Variants in KAT6A observed in about 807,000 individuals in gnomAD.
KAT6A encodes the protein lysine acetyltransferase 6A, also known as histone acetyltransferase KAT6A.
A neutral mutation model predicts 198.4 loss-of-function variants in KAT6A; 9 were observed. The observed-to-expected ratio is 0.05, with a 90% CI of 0.03 to 0.08. The LOEUF is 0.08. Among genes scored for constraint, KAT6A ranks in the 10% least tolerant of loss-of-function variants. The pLI is 1.00. For synonymous variants in KAT6A, 890 were observed against 883.0 expected (o/e 1.01, Z -0.14); for missense variants, 2,077 against 2,509.9 (o/e 0.83, Z 3.69).
rs946124998 is a variant in KAT6A at position 41,978,610 on chromosome 8, T to C, written c.1043+32A>G. ...CACTATAGAGAAGACCCTATCCTTT[T>C]CTCCCCTCACCTTGCCACAAGTACA... On this transcript the variant is annotated intron_variant, in intron 6 of 16. Coordinates refer to ENST00000265713, the MANE Select transcript of KAT6A (RefSeq NM_006766.5). 2.5e-6 allele frequency: 4 copies of C among 1,608,780 alleles called. No individual in the cohort carries two copies. In the South Asian group the frequency reaches 4.4e-5, roughly 18 times the overall value.
chr8:42,046,939 T>C (rs1278784592), intron 2 of KAT6A, among the ~76,000 whole-genome samples: 2 of 152,294 alleles, frequency 1.3e-5, no homozygotes, highest in East Asian at 3.9e-4. Flanking sequence ...AATTGAACCC[T>C]GAAATAGATC....
At chr8:41,936,261 AAAAAAAT>A (rs531050963) in intron 16 of KAT6A, among the ~76,000 whole-genome samples, 30 of 152,334 alleles carry the variant, frequency 2.0e-4, no homozygotes, top group African/African-American at 3.1e-4. Flanking sequence ...ACTCCATCTC[AAAAAAAT>A]AAAAAATAAA....
Position 41,933,059 on chromosome 8 carries a change from G to T in KAT6A, c.5161C>A (p.Pro1721Thr), listed in dbSNP as rs1821636822. The change falls in exon 17 of 17, where the codon CCA becomes ACA. Residue 1721 changes from proline to threonine, a missense_variant. This residue lies in a region of KAT6A where 500 missense variants were observed against 577.2 expected (regional missense o/e 0.87). Coordinates refer to ENST00000265713, the MANE Select transcript of KAT6A (RefSeq NM_006766.5). This position sits in a 1 kb window ranked among gnomAD's most constrained non-coding sequence, Gnocchi z 6.2. ...FTPAPMIMEIPESGSTGNISI... is the reference protein window; with the variant it reads ...FTPAPMIMEITESGSTGNISI... ...ATGTTCCCAGTGCTTCCAGATTCTG[G>T]TATCTCCATGATCATAGGAGCTGGG... 1 of 1,570,746 alleles carries T rather than the reference G, an allele frequency of 6.4e-7. No homozygotes were observed. The highest frequency in any genetic ancestry group is 1.4e-5 in the African/African-American group (1 of 70,840).
chr8:41,981,567 C>G (rs1587778283), intron 4 of KAT6A, among the ~76,000 whole-genome samples: 1 of 152,164 alleles, frequency 6.6e-6, no homozygotes, highest in East Asian at 1.9e-4. Context: ...TGCCTCTGTA[C>G]TGCTCAAAGA....
chr8:41,955,913 T>C (rs1481764653), intron 8 of KAT6A, among the ~76,000 whole-genome samples: 1 of 152,148 alleles, frequency 6.6e-6, no homozygotes, highest in African/African-American at 2.4e-5. Flanking sequence ...ACAAAAAGAA[T>C]CTGACAAAAC....
In KAT6A at chr8:42,045,817, C is replaced by CAA. The variant is rs747713066; in HGVS notation, c.600+2559_600+2560dup. 7.4e-4 allele frequency among the ~76,000 whole-genome samples: 47 copies of CAA among 63,230 alleles called. 1 individual carries two copies. Among genetic ancestry groups the CAA allele is most frequent in the East Asian group, 3.6e-3 (10 of 2,816 alleles). 41.5% of individuals were successfully genotyped at this position (63,230 alleles called of 152,430 possible). A position where few individuals can be genotyped will look rare whatever the true frequency, so the allele number is the denominator to read the frequency against. ...TGAAACCCTGTCTCTACTAAAAATACAAAAAAAAAAAAAAAAAAGTAGCCA... is the reference window on the plus strand; with the variant it reads ...TGAAACCCTGTCTCTACTAAAAATACAAAAAAAAAAAAAAAAAAAAGTAGCCA... On this transcript the variant is annotated intron_variant, in intron 2 of 16. Coordinates refer to ENST00000265713, the MANE Select transcript of KAT6A (RefSeq NM_006766.5).
In KAT6A at chr8:41,977,179, C is replaced by T. The variant is rs1334724064; in HGVS notation, c.1192G>A (p.Val398Ile). The change falls in exon 7 of 17, where the codon GTC becomes ATC. Residue 398 changes from valine to isoleucine, a missense_variant. Transcript: ENST00000265713. ...DGLDFCRDSN[V>I]SLKFNKKTKG... is the part of the protein sequence containing the mutation. ...GTTTTCTTGTTGAACTTCAAGGAGA[C>T]ATTGCTATCTCTGCAGAAGTCCAAG... 1 of 1,614,150 alleles carries T rather than the reference C, an allele frequency of 6.2e-7. No homozygotes were observed. The highest frequency in any genetic ancestry group is 1.7e-5 in the Admixed American group (1 of 60,018).
At chr8:41,995,539 A>G (rs1351792494) in intron 2 of KAT6A, among the ~76,000 whole-genome samples, 2 of 152,146 alleles carry the variant, frequency 1.3e-5, no homozygotes, top group Non-Finnish European at 2.9e-5. Flanking sequence ...ATTTTGCCCA[A>G]TGCTCTCTGT....
intron 2 of KAT6A, among the ~76,000 whole-genome samples, chr8:42,020,056 T>C (rs1002571990): frequency 3.9e-5 from 6 of 152,224 alleles, no homozygotes; most frequent in African/African-American, 1.4e-4. Context: ...GTAATTACCT[T>C]CTTTTTTTAA....
intron 8 of KAT6A, among the ~76,000 whole-genome samples, chr8:41,966,285 C>T (rs1301623327): frequency 1.3e-5 from 2 of 151,942 alleles, no homozygotes; most frequent in African/African-American, 4.8e-5. Context: ...CTTTGCTTTT[C>T]GAGGTTCTAG....
At chr8:41,968,801 G>A (rs1055882231) in intron 8 of KAT6A, among the ~76,000 whole-genome samples, 1 of 151,954 alleles carries the variant, frequency 6.6e-6, no homozygotes, top group African/African-American at 2.4e-5. Flanking sequence ...TTCCACTTTT[G>A]TATTCAGAGG....
rs144380903 is a variant in KAT6A at position 41,955,653 on chromosome 8, C to A, written c.1483-242G>T. On this transcript the variant is annotated intron_variant, in intron 8 of 16. Transcript: ENST00000265713. ...AAATGCATTGGGTGTTGCTGCATTT[C>A]TACATTTAATAACAGTAAAAATATT... Among the ~76,000 whole-genome samples the A allele has an allele frequency of 3.3e-5, 5 of 152,292 alleles. No individual in the cohort carries two copies. In the East Asian group the frequency reaches 9.6e-4, roughly 29 times the overall value.
At chr8:41,949,173 C>T (rs1822546330) in intron 10 of KAT6A, 49 bp downstream of exon 10, 1 of 1,291,530 alleles carries the variant, frequency 7.7e-7, no homozygotes, top group African/African-American at 1.6e-5. Context: ...ATATAGGTGG[C>T]CCTACTTATG....
Position 41,930,444 on chromosome 8 carries a change from G to T in KAT6A, c.*1761C>A. 4.5e-6 allele frequency: 1 copy of T among 220,590 alleles called. No individual in the cohort carries two copies. The highest frequency in any genetic ancestry group is 9.1e-6 in the Non-Finnish European group (1 of 110,222). The allele number at this position is 220,590 out of a possible 1,614,324, so 13.7% of individuals were successfully genotyped here. A position where few individuals can be genotyped will look rare whatever the true frequency, so the allele number is the denominator to read the frequency against. ...GGAATTCTGCGTTTCTACCTAGCAC[G>T]CTTGAGAAAGTCAATTAAAGTGTAT... On this transcript the variant is annotated 3_prime_UTR_variant, in exon 17 of 17. Transcript: ENST00000265713.
intron 3 of KAT6A, among the ~76,000 whole-genome samples, chr8:41,983,441 A>G (rs2150890913): frequency 6.6e-6 from 1 of 152,348 alleles, no homozygotes; most frequent in Middle Eastern, 3.4e-3. Flanking sequence ...GCATGACTGT[A>G]ATTTTAGCAA....
Position 41,934,349 on chromosome 8 carries a change from G to GCTGCTCCTCCTCTGACTGCCT in KAT6A, c.3850_3870dup (p.Arg1284_Gln1290dup). On this transcript the variant is annotated inframe_insertion, in exon 17 of 17. Coordinates refer to ENST00000265713, the MANE Select transcript of KAT6A (RefSeq NM_006766.5). ...TCTGGCTCTGGCTCCTCTAATTCCT[G>GCTGCTCCTCCTCTGACTGCCT]CTGCTCCTCCTCTGACTGCCTCTGC... is the stretch of plus-strand genomic sequence containing the variant. 6.2e-7 allele frequency: 1 copy of GCTGCTCCTCCTCTGACTGCCT among 1,613,932 alleles called. No individual in the cohort carries two copies. Among genetic ancestry groups the GCTGCTCCTCCTCTGACTGCCT allele is most frequent in the South Asian group, 1.1e-5 (1 of 91,068 alleles).
chr8:41,944,160 C>T (rs1012725428), intron 12 of KAT6A, among the ~76,000 whole-genome samples, 181 bp from the exon 13 acceptor site: 12 of 151,006 alleles, frequency 7.9e-5, no homozygotes, highest in African/African-American at 2.9e-4. Flanking sequence ...AGAAAGAATA[C>T]ATAATTTATA....
chr8:41,954,508 CACT>C lies in KAT6A; in HGVS notation c.1598+785_1598+787del, dbSNP rs1288482564. Among the ~76,000 whole-genome samples the C allele has an allele frequency of 3.9e-5, 6 of 152,256 alleles. No individual in the cohort carries two copies. The South Asian group carries it at 8.3e-4, about 21-fold the overall frequency. On this transcript the variant is annotated intron_variant, in intron 9 of 16. Coordinates refer to ENST00000265713, the MANE Select transcript of KAT6A (RefSeq NM_006766.5). ...TTTATAGATTAGAGAGCATTAATGT[CACT>C]ACAATTAACTAGTATTTAATTTTTT...
At position 41,940,968 on chromosome 8, in the gene KAT6A, A is replaced by G. The variant is rs201698734; in HGVS notation, c.2913T>C (p.Arg971=). The part of the protein sequence containing the change: ...RLTEGSERLP[R]RYSEGDRAVL... Reference sequence around the variant, plus strand: ...CAGCCCTGTCACCCTCACTGTAGCGACGGGGCAGCCTCTCACTTCCTTCTG... The same window carrying G: ...CAGCCCTGTCACCCTCACTGTAGCGGCGGGGCAGCCTCTCACTTCCTTCTG... Residue 971 remains arginine, a synonymous_variant, in exon 15 of 17, where the codon CGT becomes CGC. Transcript: ENST00000265713. The G allele has an allele frequency of 1.2e-5, 19 of 1,614,086 alleles. No individual in the cohort carries two copies. Among genetic ancestry groups the G allele is most frequent in the Middle Eastern group, 1.6e-4 (1 of 6,062 alleles).
Sources: gnomAD v4.1 joint callset for allele counts (sites outside exome capture counted in the v4.1 genomes callset) on GRCh38, gnomAD v4.1.1 for gene constraint, gnomAD v4.1.1 regional missense constraint, Gnocchi (gnomAD v3.1) non-coding constraint, MANE v1.5 for transcripts, NCBI Gene and HGNC (gene_info 2026-07-23, HGNC 2026-07-21) for gene names.